The following CLVS1 variants were observed in gnomAD, a reference collection of about 807,000 sequenced individuals.
CLVS1 encodes the protein clavesin-1.
A neutral mutation model predicts 33.1 loss-of-function variants in CLVS1; 10 were observed. The observed-to-expected ratio is 0.30, with a 90% CI of 0.19 to 0.51. The LOEUF (loss-of-function observed/expected upper bound fraction) is 0.51, where lower values mean the gene tolerates loss of function less well. CLVS1 is among the 20% of genes least tolerant of loss of function. The pLI is 0.97. For missense variants in CLVS1, 343 were observed against 433.4 expected, an observed-to-expected ratio of 0.79 and a Z score of 1.85; for synonymous variants, 163 against 166.1, an observed-to-expected ratio of 0.98 and a Z score of 0.14.
chr8:61,202,417 C>T, intron 2 of CLVS1: 1 of 771,120 alleles, frequency 1.3e-6, no homozygotes, highest in Non-Finnish European at 2.4e-6. Context: ...TGGTTGTGAA[C>T]TAAAGGCTGA....
At chr8:61,029,496 C>T in the CLVS1 span, among the ~76,000 whole-genome samples, 3 of 152,160 alleles carry the variant, frequency 2.0e-5, no homozygotes, top group African/African-American at 7.2e-5. Context: ...TCCTTAACCC[C>T]TTTCTGCCCA....
At position 61,059,471 on chromosome 8, in the gene CLVS1, C is replaced by CATATATATATATATATAT. The variant is rs1292747857; in HGVS notation, c.-243+2244_-243+2245insTATATATATATATATATA. ...ATATACACACACATATACATACATA[C>CATATATATATATATATAT]ATACATATATATATATATATATATA... On this transcript the variant is annotated intron_variant, in intron 1 of 2. Coordinates refer to the CLVS1 transcript ENST00000522621. Among the ~76,000 whole-genome samples, 102 of 22,870 alleles carry CATATATATATATATATAT rather than the reference C, an allele frequency of 4.5e-3. 2 individuals carry two copies. Among genetic ancestry groups the CATATATATATATATATAT allele is most frequent in the South Asian group, 0.028 (15 of 534 alleles). 15.0% of individuals were successfully genotyped at this position (22,870 alleles called of 152,430 possible). A position where few individuals can be genotyped will look rare whatever the true frequency, so the allele number is the denominator to read the frequency against.
chr8:61,084,027 T>A (rs1000143490), intron 1 of CLVS1, among the ~76,000 whole-genome samples: 10 of 152,212 alleles, frequency 6.6e-5, no homozygotes, highest in Admixed American at 3.3e-4. Context: ...CTGAATTTTT[T>A]AAAATGTATT....
chr8:61,364,170 T>G (rs1382102237), intron 2 of CLVS1, among the ~76,000 whole-genome samples: 2 of 152,228 alleles, frequency 1.3e-5, no homozygotes, highest in Non-Finnish European at 2.9e-5. Context: ...CTATCATTAT[T>G]GTTACTTGTT....
chr8:61,110,089 A>G (rs1224563793), intron 1 of CLVS1, among the ~76,000 whole-genome samples: 1 of 152,162 alleles, frequency 6.6e-6, no homozygotes, highest in Non-Finnish European at 1.5e-5. Flanking sequence ...TTGGCTGCTA[A>G]TGGTGCACGG....
intron 3 of CLVS1, among the ~76,000 whole-genome samples, chr8:61,450,076 C>T (rs1025631017): frequency 1.3e-5 from 2 of 152,152 alleles, no homozygotes; most frequent in African/African-American, 4.8e-5. Context: ...TTTGCTAGAT[C>T]ATGGTATTAT....
intron 5 of CLVS1, among the ~76,000 whole-genome samples, chr8:61,479,326 A>G (rs187476668): frequency 6.6e-6 from 1 of 151,880 alleles, no homozygotes; most frequent in African/African-American, 2.4e-5. Context: ...GCTTCATTTC[A>G]TTCATTTCAT....
the CLVS1 span, among the ~76,000 whole-genome samples, chr8:61,047,675 A>G: frequency 6.6e-6 from 1 of 152,238 alleles, no homozygotes; most frequent in Non-Finnish European, 1.5e-5. Context: ...CATCATTCTC[A>G]GTATACCATC....
At chr8:61,215,374 T>C (rs1375295033) in intron 2 of CLVS1, among the ~76,000 whole-genome samples, 1 of 152,190 alleles carries the variant, frequency 6.6e-6, no homozygotes, top group African/African-American at 2.4e-5. Context: ...TCAGTGGGAA[T>C]GTACATAAAA....
chr8:61,467,050 T>C (rs767492213), intron 5 of CLVS1, among the ~76,000 whole-genome samples: 2 of 152,224 alleles, frequency 1.3e-5, no homozygotes, highest in Non-Finnish European at 2.9e-5. Flanking sequence ...CAAATATATG[T>C]ATCTGTATGT....
Position 61,074,984 on chromosome 8 carries a change from C to A in CLVS1, c.-243+17754C>A, listed in dbSNP as rs548039712. ...TTGAAATAGAAAATCATCCTCCCCC[C>A]CCTTTTAAATGCTTTTTGATTTCTT... On this transcript the variant is annotated intron_variant, in intron 1 of 2. Coordinates refer to the CLVS1 transcript ENST00000522621. Among the ~76,000 whole-genome samples, 24 of 152,218 alleles carry A rather than the reference C, an allele frequency of 1.6e-4. 1 individual carries two copies. The East Asian group carries it at 3.1e-3, about 20-fold the overall frequency.
intron 1 of CLVS1, among the ~76,000 whole-genome samples, chr8:61,293,177 G>A (rs1810058561): frequency 6.6e-6 from 1 of 152,158 alleles, no homozygotes; most frequent in Admixed American, 6.5e-5. Flanking sequence ...AAGGTGAACT[G>A]TGTAGCATGG....
At chr8:61,292,530 T>G (rs1810032190) in intron 1 of CLVS1, 2 of 375,612 alleles carry the variant, frequency 5.3e-6, no homozygotes, top group Admixed American at 3.0e-5. Flanking sequence ...AAATACTCTT[T>G]CCCTTTGAAG....
intron 1 of CLVS1, among the ~76,000 whole-genome samples, chr8:61,124,938 A>G (rs1370597338): frequency 1.3e-5 from 2 of 152,172 alleles, no homozygotes; most frequent in Non-Finnish European, 2.9e-5. Flanking sequence ...AGCACAGGTG[A>G]GAGAGGAGAG....
chr8:61,129,702 CTT>C (rs1173136108), intron 1 of CLVS1, among the ~76,000 whole-genome samples: 1 of 152,108 alleles, frequency 6.6e-6, no homozygotes, highest in Non-Finnish European at 1.5e-5. Flanking sequence ...CCTGAGGCCT[CTT>C]TTATGAGGGC....
chr8:61,267,756 T>A (rs1585735048), intron 2 of CLVS1, among the ~76,000 whole-genome samples: 1 of 152,238 alleles, frequency 6.6e-6, no homozygotes, highest in South Asian at 2.1e-4. Context: ...TGCCTGTTTA[T>A]ATATATAACA....
At chr8:61,214,968 C>T (rs1808053949) in intron 2 of CLVS1, among the ~76,000 whole-genome samples, 1 of 152,138 alleles carries the variant, frequency 6.6e-6, no homozygotes, top group Admixed American at 6.5e-5. Context: ...GCTCCTGGAC[C>T]TGAATAACCA....
At chr8:61,477,248 C>A (rs1817981463) in intron 5 of CLVS1, among the ~76,000 whole-genome samples, 1 of 152,126 alleles carries the variant, frequency 6.6e-6, no homozygotes, top group African/African-American at 2.4e-5. Context: ...GGATATTGGT[C>A]TAAAATTCTC....
chr8:60,991,280 C>T, the CLVS1 span, among the ~76,000 whole-genome samples: 1 of 152,274 alleles, frequency 6.6e-6, no homozygotes, highest in East Asian at 1.9e-4. Context: ...GAAAAAAAAT[C>T]TCTAGTCTTG....
Sources: allele counts gnomAD v4.1 joint callset (sites outside exome capture counted in the v4.1 genomes callset), GRCh38; gene constraint gnomAD v4.1.1; transcripts MANE v1.5; gene names NCBI Gene and HGNC (gene_info 2026-07-23, HGNC 2026-07-21).